The following PDE3A variants were observed in gnomAD, a reference collection of about 807,000 sequenced individuals.
PDE3A encodes the protein phosphodiesterase 3A.
In PDE3A, 43 loss-of-function variants were observed where a neutral mutation model predicts 98.3. The ratio of observed to expected loss-of-function variants is 0.44; its 90% CI spans 0.34 to 0.56. The LOEUF (loss-of-function observed/expected upper bound fraction) is 0.56, where lower values mean the gene tolerates loss of function less well. Among genes scored for constraint, PDE3A ranks in the 20% least tolerant of loss-of-function variants. The probability of loss-of-function intolerance (pLI) is 0.01; values close to 1 mark genes in which losing one functional copy is unlikely to be tolerated. For missense variants in PDE3A, 1,427 were observed against 1,440.7 expected (o/e 0.99, Z 0.15); for synonymous variants, 663 against 567.9 (o/e 1.17, Z -2.38).
intron 1 of PDE3A, among the ~76,000 whole-genome samples, chr12:20,489,767 G>GTCT (rs1341746546): frequency 6.6e-6 from 1 of 152,128 alleles, no homozygotes; most frequent in Non-Finnish European, 1.5e-5. Context: ...TGACAGATGG[G>GTCT]TCTTAGGTCA....
chr12:20,556,410 G>A (rs928516951), intron 1 of PDE3A, among the ~76,000 whole-genome samples: 1 of 152,050 alleles, frequency 6.6e-6, no homozygotes, highest in African/African-American at 2.4e-5. Flanking sequence ...GGATGTTCCT[G>A]ACAGAGCTAC....
Position 20,617,262 on chromosome 12 carries a change from A to G in PDE3A, c.1424+878A>G, listed in dbSNP as rs112430966. Among the ~76,000 whole-genome samples the G allele has an allele frequency of 3.3e-5, 5 of 152,288 alleles. 1 individual carries two copies. Among genetic ancestry groups the G allele is most frequent in the African/African-American group, 1.2e-4 (5 of 41,590 alleles). On this transcript the variant is annotated intron_variant, in intron 4 of 15. Transcript: ENST00000359062. Reference sequence around the variant, plus strand: ...AACCACCATACTGAGACTAATAGAAATATTTCAGATGATAAGAATTTAATG... The same window carrying G: ...AACCACCATACTGAGACTAATAGAAGTATTTCAGATGATAAGAATTTAATG...
chr12:20,535,371 A>G (rs1432969895), intron 1 of PDE3A, among the ~76,000 whole-genome samples: 1 of 152,176 alleles, frequency 6.6e-6, no homozygotes, highest in Non-Finnish European at 1.5e-5. Flanking sequence ...GCACCTACCC[A>G]TTCATATGTG....
intron 1 of PDE3A, among the ~76,000 whole-genome samples, chr12:20,441,196 A>T (rs961226336): frequency 6.6e-6 from 1 of 152,236 alleles, no homozygotes; most frequent in African/African-American, 2.4e-5. Flanking sequence ...TGAAGCAATT[A>T]GAAACTGTGT....
chr12:20,564,835 G>A (rs1942614914), intron 2 of PDE3A, among the ~76,000 whole-genome samples: 2 of 152,018 alleles, frequency 1.3e-5, no homozygotes, highest in South Asian at 4.1e-4. Context: ...CTTATGTTGG[G>A]GCCTGTGGAC....
chr12:20,466,532 A>G (rs1421618555), intron 1 of PDE3A, among the ~76,000 whole-genome samples: 4 of 152,130 alleles, frequency 2.6e-5, no homozygotes, highest in African/African-American at 9.7e-5. Context: ...AATACTTCGA[A>G]TGTGAATGCT....
Position 20,646,776 on chromosome 12 carries a change from A to G in PDE3A, c.2391A>G (p.Gly797=). The part of the protein sequence containing the change: ...DSDSDSGFTH[G]HMGYVFSKTY... ...ATTCTGACAGTGGATTTACACATGGACATATGGGATATGTATTCTCAAAAA... is the reference window on the plus strand; with the variant it reads ...ATTCTGACAGTGGATTTACACATGGGCATATGGGATATGTATTCTCAAAAA... Residue 797 remains glycine, a synonymous_variant, in exon 12 of 16, where the codon GGA becomes GGG. Transcript: ENST00000359062. The G allele has an allele frequency of 6.2e-7, 1 of 1,608,588 alleles. No individual in the cohort carries two copies. Among genetic ancestry groups the G allele is most frequent in the Non-Finnish European group, 8.5e-7 (1 of 1,175,036 alleles).
chr12:20,497,173 T>C (rs569866547), intron 1 of PDE3A, among the ~76,000 whole-genome samples: 1 of 152,310 alleles, frequency 6.6e-6, no homozygotes, highest in African/African-American at 2.4e-5. Context: ...GGAAACATTC[T>C]CATAAGATTT....
At chr12:20,634,798 C>T in intron 7 of PDE3A, 104 bp from the exon 8 acceptor site, 1 of 769,478 alleles carries the variant, frequency 1.3e-6, no homozygotes, top group East Asian at 2.5e-5. Flanking sequence ...AGCAGTATTT[C>T]CCTAAACACT....
chr12:20,386,017 AAAT>A (rs1565532344), intron 1 of PDE3A, among the ~76,000 whole-genome samples: 33 of 82,326 alleles, frequency 4.0e-4, no homozygotes, highest in Admixed American at 1.7e-3. Flanking sequence ...AATATATATA[AAAT>A]ATATATATAA....
At chr12:20,598,273 C>T (rs1943512690) in intron 2 of PDE3A, among the ~76,000 whole-genome samples, 1 of 151,876 alleles carries the variant, frequency 6.6e-6, no homozygotes, top group African/African-American at 2.4e-5. Flanking sequence ...ACCTCCGCCT[C>T]CTTGGTCCAA....
chr12:20,497,258 C>CT (rs1425981948), intron 1 of PDE3A, among the ~76,000 whole-genome samples: 2 of 151,950 alleles, frequency 1.3e-5, no homozygotes, highest in African/African-American at 4.8e-5. Flanking sequence ...AGAAACATAA[C>CT]TTATCTCAAT....
At chr12:20,400,379 GTTTTTTTTTTTTTTTTTTTTTTTT>G (rs75851941) in intron 1 of PDE3A, among the ~76,000 whole-genome samples, 43 of 110,260 alleles carry the variant, frequency 3.9e-4, no homozygotes, top group African/African-American at 1.5e-3. Flanking sequence ...GTTAACATTG[GTTTTTTTTTTTTTTTTTTTTTTTT>G]TTTTTTTTTT....
chr12:20,615,707 C>G (rs1232751364), intron 3 of PDE3A, among the ~76,000 whole-genome samples: 1 of 151,690 alleles, frequency 6.6e-6, no homozygotes, highest in Non-Finnish European at 1.5e-5. Flanking sequence ...AATAAAGACC[C>G]TAAAAGGTTG....
intron 1 of PDE3A, chr12:20,551,998 G>GC: frequency 1.2e-6 from 2 of 1,612,572 alleles, no homozygotes; most frequent in South Asian, 2.2e-5. Flanking sequence ...CAACGACGGA[G>GC]CGTACTCCCT....
chr12:20,595,567 C>T (rs1188975078), intron 2 of PDE3A, among the ~76,000 whole-genome samples: 4 of 152,132 alleles, frequency 2.6e-5, no homozygotes, highest in African/African-American at 2.4e-5. Context: ...ACAAGACATG[C>T]TTGATGGATA....
intron 1 of PDE3A, among the ~76,000 whole-genome samples, chr12:20,467,277 T>G (rs1006744424): frequency 1.3e-4 from 19 of 149,738 alleles, no homozygotes; most frequent in African/African-American, 4.2e-4. Context: ...TGAGATCCTT[T>G]AACAAAGAAA....
chr12:20,474,992 A>G (rs1007800462), intron 1 of PDE3A, among the ~76,000 whole-genome samples: 1 of 152,062 alleles, frequency 6.6e-6, no homozygotes, highest in Non-Finnish European at 1.5e-5. Context: ...GATGGTAGTG[A>G]GACAGTGCTG....
intron 6 of PDE3A, among the ~76,000 whole-genome samples, chr12:20,630,440 G>A (rs1944353814): frequency 6.6e-6 from 1 of 152,128 alleles, no homozygotes; most frequent in South Asian, 2.1e-4. Context: ...ATGATATCAA[G>A]TATTCTGTTG....
Sources: allele counts gnomAD v4.1 joint callset (sites outside exome capture counted in the v4.1 genomes callset), GRCh38; gene constraint gnomAD v4.1.1; transcripts MANE v1.5; gene names NCBI Gene and HGNC (gene_info 2026-07-23, HGNC 2026-07-21).